RNF213: variants seen among roughly 807,000 people sequenced by gnomAD.
The protein encoded by RNF213 is E3 ubiquitin-protein ligase RNF213.
Under a neutral mutation model 514.4 loss-of-function variants are expected in RNF213, and 341 were observed. That is an observed-to-expected ratio of 0.66 (90% CI 0.61 to 0.73). The LOEUF (loss-of-function observed/expected upper bound fraction) is 0.73, where lower values mean the gene tolerates loss of function less well. Ranked by LOEUF, RNF213 falls within the 30% of genes least tolerant of loss-of-function variation. The pLI, the probability that RNF213 is intolerant of heterozygous loss-of-function variation, is 0.00. For missense variants in RNF213, 5,767 were observed against 6,615.6 expected, an observed-to-expected ratio of 0.87 and a Z score of 4.45; for synonymous variants, 2,655 against 2,658.2, an observed-to-expected ratio of 1.00 and a Z score of 0.04.
In RNF213 at chr17:80,361,730, G is replaced by A. The variant is rs1905479457; in HGVS notation, c.11201-4G>A. 6.2e-7 allele frequency: 1 copy of A among 1,613,024 alleles called. No individual in the cohort carries two copies. Among genetic ancestry groups the A allele is most frequent in the Non-Finnish European group, 8.5e-7 (1 of 1,179,458 alleles). On this transcript the variant is annotated splice_polypyrimidine_tract_variant and splice_region_variant and intron_variant, in intron 38 of 67. Transcript: ENST00000582970. Reference sequence around the variant, plus strand: ...CAGGCCGCTCCTTGGTTTCCTCTCTGCAGGACTGCCCAAGAAGTTCGTGGA... The same window carrying A: ...CAGGCCGCTCCTTGGTTTCCTCTCTACAGGACTGCCCAAGAAGTTCGTGGA...
rs761099563 is a variant in RNF213 at position 80,346,174 on chromosome 17, C to T, written c.7839C>T (p.Arg2613=). The change falls in exon 29 of 68, where the codon CGC becomes CGT. Residue 2613 remains arginine, a synonymous_variant. Transcript: ENST00000582970. This position sits in a 1 kb window ranked among gnomAD's most constrained non-coding sequence, Gnocchi z 8.1. ...TCAGCCTAGATGAAAACGGGACTCG[C>T]GTGATCACAGAAGTCCTCTGCGCCT... The part of the protein sequence containing the change: ...ESISLDENGT[R]VITEVLCASQ... 18 of 1,614,006 alleles carry T rather than the reference C, an allele frequency of 1.1e-5. No individual in the cohort carries two copies. The highest frequency in any genetic ancestry group is 2.2e-5 in the South Asian group (2 of 91,090).
intron 2 of RNF213, among the ~76,000 whole-genome samples, chr17:80,271,671 C>T (rs1003208865): frequency 4.6e-5 from 7 of 152,136 alleles, no homozygotes; most frequent in Non-Finnish European, 8.8e-5. Flanking sequence ...TAAGAGTACC[C>T]GAGCCTGGGT....
chr17:80,295,640 C>T lies in RNF213; in HGVS notation c.1839C>T (p.Asp613=). Residue 613 remains aspartate, a synonymous_variant, in exon 10 of 68, where the codon GAC becomes GAT. Transcript: ENST00000582970. ...AAAGCACGGACTTTTTGCCTGTGGA[C>T]TGCCCAGTGAGGAGTAAACTGAAAA... ...DGKSTDFLPV[D]CPVRSKLKTG... is the part of the protein sequence containing the mutation. 1 of 1,614,130 alleles carries T rather than the reference C, an allele frequency of 6.2e-7. No homozygotes were observed. The highest frequency in any genetic ancestry group is 8.5e-7 in the Non-Finnish European group (1 of 1,180,004).
rs192098846 is a variant in RNF213 at position 80,383,504 on chromosome 17, A to G, written c.14071-173A>G. ...ATTCTGTTTGGGGAGACATACATCT[A>G]TAAACAAACAACACTGAAATTAGAA... On this transcript the variant is annotated intron_variant, in intron 58 of 67. Coordinates refer to ENST00000582970, the MANE Select transcript of RNF213 (RefSeq NM_001256071.3). Among the ~76,000 whole-genome samples, 184 of 152,198 alleles carry G rather than the reference A, an allele frequency of 1.2e-3. 1 individual carries two copies. The highest frequency in any genetic ancestry group is 1.2e-3 in the Non-Finnish European group (80 of 68,014).
chr17:80,312,336 A>AG (rs1171569886), intron 14 of RNF213, among the ~76,000 whole-genome samples: 1 of 152,062 alleles, frequency 6.6e-6, no homozygotes, highest in African/African-American at 2.4e-5. Context: ...CTTTGAGCCC[A>AG]GGGGAAGAGG....
At position 80,295,729 on chromosome 17, in the gene RNF213, G is replaced by A. The variant is rs1288919211; in HGVS notation, c.1928G>A (p.Trp643Ter). The A allele has an allele frequency of 6.2e-7, 1 of 1,614,194 alleles. No individual in the cohort carries two copies. The highest frequency in any genetic ancestry group is 8.5e-7 in the Non-Finnish European group (1 of 1,180,052). ...IELLLEGSLD[W>*]LCHLLTSDAS... ...CTTTTATTAGAAGGCAGCCTGGACT[G>A]GTTGTGTCACCTCCTAACCTCAGAT... The change falls in exon 10 of 68, where the codon TGG (tryptophan) becomes TAG (stop). Residue 643 changes from tryptophan to a stop codon, truncating the protein, a stop_gained. Transcript: ENST00000582970. LOFTEE classifies it high-confidence loss of function.
chr17:80,295,597 T>A lies in RNF213; in HGVS notation c.1796T>A (p.Val599Glu). ...YLWQHLKKHV[V>E]PLPDGKSTDF... is the part of the protein sequence containing the mutation. ...TGGCAACATCTGAAAAAACACGTGGTACCATTGCCGGACGGAAAAAGCACG... is the reference window on the plus strand; with the variant it reads ...TGGCAACATCTGAAAAAACACGTGGAACCATTGCCGGACGGAAAAAGCACG... The change falls in exon 10 of 68, where the codon GTA becomes GAA. Residue 599 changes from valine to glutamate, a missense_variant. By Grantham distance (121) the Val-to-Glu change is moderately radical. Coordinates refer to ENST00000582970, the MANE Select transcript of RNF213 (RefSeq NM_001256071.3). The A allele has an allele frequency of 6.2e-7, 1 of 1,613,800 alleles. No individual in the cohort carries two copies. The highest frequency in any genetic ancestry group is 8.5e-7 in the Non-Finnish European group (1 of 1,179,724).
At chr17:80,309,192 A>G (rs778172283) in intron 14 of RNF213, 21 bp downstream of exon 14, 1 of 1,614,136 alleles carries the variant, frequency 6.2e-7, no homozygotes, top group South Asian at 1.1e-5. Flanking sequence ...TCAACACACA[A>G]GGTATCACAC....
At position 80,347,747 on chromosome 17, in the gene RNF213, G is replaced by C. The variant is rs758600643; in HGVS notation, c.9412G>C (p.Val3138Leu). ...YVDLGLGTHRVKCRVHPNFRL... is the reference protein window; with the variant it reads ...YVDLGLGTHRLKCRVHPNFRL... The stretch of plus-strand genomic sequence containing the variant: ...GGACCTCGGTCTGGGGACCCACCGC[G>C]TCAAATGTCGGGTTCACCCCAACTT... The change falls in exon 29 of 68, where the codon GTC becomes CTC. Residue 3138 changes from valine to leucine, a missense_variant. Transcript: ENST00000582970. This position sits in a 1 kb window ranked among gnomAD's most constrained non-coding sequence, Gnocchi z 7.2. The C allele has an allele frequency of 1.9e-6, 3 of 1,614,120 alleles. No individual in the cohort carries two copies. The highest frequency in any genetic ancestry group is 2.5e-6 in the Non-Finnish European group (3 of 1,180,040).
In RNF213 at chr17:80,360,681, G is replaced by A. The variant is rs544517660; in HGVS notation, c.11200+475G>A. The stretch of plus-strand genomic sequence containing the variant: ...GAGGCACCTCCCAGCTGTGTCTCCC[G>A]AGTCACAGCCCAGACACAGTGCTGA... On this transcript the variant is annotated intron_variant, in intron 38 of 67. Transcript: ENST00000582970. Among the ~76,000 whole-genome samples the A allele has an allele frequency of 1.8e-4, 28 of 152,290 alleles. 1 individual carries two copies. In the South Asian group the frequency reaches 4.1e-3, roughly 23 times the overall value.
rs544923206 is a variant in RNF213, at chr17:80,350,072, C to G, written c.10088+166C>G. Among the ~76,000 whole-genome samples the G allele has an allele frequency of 2.6e-5, 4 of 152,314 alleles. No homozygotes were observed. The South Asian group carries it at 6.2e-4, about 24-fold the overall frequency. ...GCATCCCTCTCATCTCCATCATCTT[C>G]TGCAACGCGGTGTCTGGCCTAACAT... is the stretch of plus-strand genomic sequence containing the variant. On this transcript the variant is annotated intron_variant, in intron 30 of 67. Transcript: ENST00000582970.
rs922007487 is a variant in RNF213 at position 80,346,141 on chromosome 17, T to C, written c.7806T>C (p.Val2602=). The stretch of plus-strand genomic sequence containing the variant: ...TCCAGCAGATTGTCCAGAGACTGGT[T>C]GAGTCCATCAGCCTAGATGAAAACG... ...LYIQQIVQRL[V]ESISLDENGT... Residue 2602 remains valine (V), a synonymous_variant, in exon 29 of 68, where the codon GTT becomes GTC. Coordinates refer to ENST00000582970, the MANE Select transcript of RNF213 (RefSeq NM_001256071.3). The surrounding 1 kb of genome is among the most constrained non-coding windows in gnomAD (Gnocchi z 8.1). 1.2e-6 allele frequency: 2 copies of C among 1,614,096 alleles called. No individual in the cohort carries two copies. The highest frequency in any genetic ancestry group is 2.7e-5 in the African/African-American group (2 of 74,930).
Position 80,376,366 on chromosome 17 carries a change from T to C in RNF213, c.13251T>C (p.Arg4417=). 2.5e-6 allele frequency: 4 copies of C among 1,614,206 alleles called. No homozygotes were observed. Among genetic ancestry groups the C allele is most frequent in the Non-Finnish European group, 3.4e-6 (4 of 1,180,034 alleles). Residue 4417 remains arginine (R), a synonymous_variant, in exon 52 of 68, where the codon CGT becomes CGC. Coordinates refer to ENST00000582970, the MANE Select transcript of RNF213 (RefSeq NM_001256071.3). ...TCCTTTCACCTCCTGATATCAGCCG[T>C]TTTGCAACATCGCTCGTGGACAATT... ...CKILSPPDIS[R]FATSLVDNSV...
chr17:80,294,737 G>A lies in RNF213; in HGVS notation c.1489G>A (p.Asp497Asn). Residue 497 changes from aspartate (D) to asparagine (N), a missense_variant, in exon 9 of 68, where the codon GAC (aspartate) becomes AAC (asparagine). By Grantham distance (23) the Asp-to-Asn change is conservative. This residue lies in a region of RNF213 where 592 missense variants were observed against 673.9 expected (regional missense o/e 0.88). Transcript: ENST00000582970. ...CCTCTTAGACTGGCATCAGTACTAT[G>A]ACATAGTTTATATGAAGCCTCATGG... ...LGSGDWHQYY[D>N]IVYMKPHGRL... is the part of the protein sequence containing the mutation. 6.2e-7 allele frequency: 1 copy of A among 1,614,010 alleles called. No homozygotes were observed. The highest frequency in any genetic ancestry group is 8.5e-7 in the Non-Finnish European group (1 of 1,180,042).
intron 11 of RNF213, among the ~76,000 whole-genome samples, chr17:80,301,098 T>G (rs543969531): frequency 6.6e-6 from 1 of 152,216 alleles, no homozygotes; most frequent in Non-Finnish European, 1.5e-5. Context: ...GTCATCTGTT[T>G]ACTCTGTTGA....
chr17:80,386,518 T>C, intron 62 of RNF213, 88 bp downstream of exon 62: 1 of 1,495,106 alleles, frequency 6.7e-7, no homozygotes, highest in South Asian at 1.1e-5. Context: ...CTTCAGCCCC[T>C]TCCCTAACAG....
At chr17:80,326,741 G>A (rs1219788653) in intron 18 of RNF213, among the ~76,000 whole-genome samples, 4 of 152,108 alleles carry the variant, frequency 2.6e-5, no homozygotes, top group Non-Finnish European at 5.9e-5. Context: ...AGCTAACTTC[G>A]TTTTACCACT....
chr17:80,331,463 A>T (rs1000556495), intron 20 of RNF213, among the ~76,000 whole-genome samples: 3 of 145,698 alleles, frequency 2.1e-5, no homozygotes, highest in Admixed American at 7.0e-5. Flanking sequence ...GTCTCAGCTC[A>T]CTGCAACCTC....
rs1022262771 is a variant in RNF213, at chr17:80,317,843, C to G, written c.2901+566C>G. Among the ~76,000 whole-genome samples the G allele has an allele frequency of 2.0e-5, 3 of 152,176 alleles. No individual in the cohort carries two copies. Among genetic ancestry groups the G allele is most frequent in the Non-Finnish European group, 4.4e-5 (3 of 68,028 alleles). Reference sequence around the variant, plus strand: ...TCTGCCAGGGCCAATGTGACAGCCTCTTTTAGGTACCCACACTCGGTGGGT... The same window carrying G: ...TCTGCCAGGGCCAATGTGACAGCCTGTTTTAGGTACCCACACTCGGTGGGT... On this transcript the variant is annotated intron_variant, in intron 16 of 67. Coordinates refer to ENST00000582970, the MANE Select transcript of RNF213 (RefSeq NM_001256071.3). This position sits in a 1 kb window ranked among gnomAD's most constrained non-coding sequence, Gnocchi z 4.1.
Sources: gnomAD v4.1 joint callset for allele counts (sites outside exome capture counted in the v4.1 genomes callset) on GRCh38, gnomAD v4.1.1 for gene constraint, gnomAD v4.1.1 regional missense constraint, Gnocchi (gnomAD v3.1) non-coding constraint, MANE v1.5 for transcripts, NCBI Gene and HGNC (gene_info 2026-07-23, HGNC 2026-07-21) for gene names.